FBH1: variants seen among roughly 807,000 people sequenced by gnomAD.
FBH1 encodes the protein DNA 3'-5' helicase 1.
In FBH1, 43 loss-of-function variants were observed where a neutral mutation model predicts 115.5. That is an observed-to-expected ratio of 0.37 (90% CI 0.29 to 0.48). The LOEUF (loss-of-function observed/expected upper bound fraction) is 0.48, where lower values mean the gene tolerates loss of function less well. Among genes scored for constraint, FBH1 ranks in the 20% least tolerant of loss-of-function variants. The pLI, the probability that FBH1 is intolerant of heterozygous loss-of-function variation, is 0.99. For missense variants in FBH1, 1,001 were observed against 1,337.3 expected (o/e 0.75, Z 3.92); for synonymous variants, 524 against 507.8 (o/e 1.03, Z -0.43).
At position 5,914,269 on chromosome 10, in the gene FBH1, G is replaced by A. The variant is rs774015746; in HGVS notation, c.1396G>A (p.Gly466Ser). ...GGTGGTGAAAATTATGGCCTTTGCC[G>A]GTAAGGGAGCCCACATCAGGTTCAC... is the stretch of plus-strand genomic sequence containing the variant. Reference protein sequence around the residue: ...LQVVKIMAFAGTGKTSTLVKY... With the variant: ...LQVVKIMAFASTGKTSTLVKY... Residue 466 changes from glycine to serine, a missense_variant and splice_region_variant, in exon 8 of 21, where the codon GGC becomes AGC. Gly to Ser is a moderately conservative substitution (Grantham distance 56). Around this residue, in one of 4 missense-constraint regions of FBH1, gnomAD observed 521 missense variants for 811.0 expected, o/e 0.64. Transcript: ENST00000362091. The surrounding 1 kb of genome is among the most constrained non-coding windows in gnomAD (Gnocchi z 5.2). The A allele has an allele frequency of 3.1e-6, 5 of 1,613,856 alleles. No homozygotes were observed. The highest frequency in any genetic ancestry group is 1.7e-5 in the Admixed American group (1 of 59,994).
At chr10:5,904,436 T>C (rs1843576093) in intron 2 of FBH1, among the ~76,000 whole-genome samples, 2 of 152,232 alleles carry the variant, frequency 1.3e-5, no homozygotes, top group African/African-American at 4.8e-5. Flanking sequence ...ACTGAGTTTG[T>C]TCCATATATA....
At position 5,908,962 on chromosome 10, in the gene FBH1, T is replaced by C. The variant is rs1472803175; in HGVS notation, c.791T>C (p.Met264Thr). 1 of 1,614,192 alleles carries C rather than the reference T, an allele frequency of 6.2e-7. No homozygotes were observed. Among genetic ancestry groups the C allele is most frequent in the Non-Finnish European group, 8.5e-7 (1 of 1,180,036 alleles). The change falls in exon 4 of 21, where the codon ATG (methionine) becomes ACG (threonine). Residue 264 changes from methionine to threonine, a missense_variant. Coordinates refer to ENST00000362091, the MANE Select transcript of FBH1 (RefSeq NM_178150.3). ...AAGAAGCTGTACCATCGATACCTGA[T>C]GAATGAAGAGCAAGCTGTCAGCAAA... Reference protein sequence around the residue: ...PWKKLYHRYLMNEEQAVSKVD... With the variant: ...PWKKLYHRYLTNEEQAVSKVD...
chr10:5,915,352 G>C lies in FBH1; in HGVS notation c.1397-51G>C. 1 of 1,592,354 alleles carries C rather than the reference G, an allele frequency of 6.3e-7. No individual in the cohort carries two copies. The highest frequency in any genetic ancestry group is 1.1e-5 in the South Asian group (1 of 88,940). On this transcript the variant is annotated intron_variant, in intron 8 of 20. Coordinates refer to ENST00000362091, the MANE Select transcript of FBH1 (RefSeq NM_178150.3). The surrounding 1 kb of genome is among the most constrained non-coding windows in gnomAD (Gnocchi z 5.2). Reference sequence around the variant, plus strand: ...ACAAGGCCTGATTGGGGATCCCTGGGCATGTCTTGTCTGGTCAGAGGGTCA... The same window carrying C: ...ACAAGGCCTGATTGGGGATCCCTGGCCATGTCTTGTCTGGTCAGAGGGTCA...
At position 5,915,760 on chromosome 10, in the gene FBH1, T is replaced by C. The variant is rs914411876; in HGVS notation, c.1565+189T>C. 17 of 595,378 alleles carry C rather than the reference T, an allele frequency of 2.9e-5. No homozygotes were observed. Among genetic ancestry groups the C allele is most frequent in the Non-Finnish European group, 4.4e-5 (15 of 338,576 alleles). 36.9% of individuals were successfully genotyped at this position (595,378 alleles called of 1,614,324 possible). A position where few individuals can be genotyped will look rare whatever the true frequency, so the allele number is the denominator to read the frequency against. ...GTACTTTTATCCTGTAGCAACATAT[T>C]GTTTACATATAATGCCGTCTTGCCA... On this transcript the variant is annotated intron_variant, in intron 9 of 20. Transcript: ENST00000362091. This position sits in a 1 kb window ranked among gnomAD's most constrained non-coding sequence, Gnocchi z 5.2.
chr10:5,917,211 A>T lies in FBH1; in HGVS notation c.1789-209A>T. 3.4e-6 allele frequency: 2 copies of T among 581,214 alleles called. No individual in the cohort carries two copies. Among genetic ancestry groups the T allele is most frequent in the Non-Finnish European group, 6.2e-6 (2 of 323,588 alleles). The allele number at this position is 581,214 out of a possible 1,614,324, so 36.0% of individuals were successfully genotyped here. On this transcript the variant is annotated intron_variant, in intron 10 of 20. Coordinates refer to ENST00000362091, the MANE Select transcript of FBH1 (RefSeq NM_178150.3). This position sits in a 1 kb window ranked among gnomAD's most constrained non-coding sequence, Gnocchi z 5.6. ...ATCTCTGTCCTGTCACGGGCATGGC[A>T]CGGCCCGGCTGCTTCCTGTCTCAGC... is the stretch of plus-strand genomic sequence containing the variant.
rs1832813305 is a variant in FBH1 at position 5,928,944 on chromosome 10, C to CT, written c.2829+1404dup. On this transcript the variant is annotated intron_variant, in intron 19 of 20. Transcript: ENST00000362091. ...TATTCTCAGTGCCATATTGCCTACT[C>CT]TCGTGGGGTGAGCCGCGCCGTACTG... is the stretch of plus-strand genomic sequence containing the variant. Among the ~76,000 whole-genome samples, 5 of 152,310 alleles carry CT rather than the reference C, an allele frequency of 3.3e-5. No homozygotes were observed. In the South Asian group the frequency reaches 1.0e-3, roughly 32 times the overall value.
chr10:5,915,271 A>G lies in FBH1; in HGVS notation c.1397-132A>G, dbSNP rs534286117. On this transcript the variant is annotated intron_variant, in intron 8 of 20. Coordinates refer to ENST00000362091, the MANE Select transcript of FBH1 (RefSeq NM_178150.3). This position sits in a 1 kb window ranked among gnomAD's most constrained non-coding sequence, Gnocchi z 5.2. ...CTCTTTTGGTGGCACTACTTTTACCAGCACTGAAAAACTTGTTACTGTCCT... is the reference window on the plus strand; with the variant it reads ...CTCTTTTGGTGGCACTACTTTTACCGGCACTGAAAAACTTGTTACTGTCCT... 1.0e-4 allele frequency: 91 copies of G among 882,894 alleles called. 1 individual carries two copies. In the African/African-American group the frequency reaches 1.3e-3, roughly 13 times the overall value. 54.7% of individuals were successfully genotyped at this position (882,894 alleles called of 1,614,324 possible). A position where few individuals can be genotyped will look rare whatever the true frequency, so the allele number is the denominator to read the frequency against.
Position 5,906,093 on chromosome 10 carries a change from A to G in FBH1, c.214A>G (p.Thr72Ala), listed in dbSNP as rs756277826. The G allele has an allele frequency of 2.5e-6, 4 of 1,614,078 alleles. No homozygotes were observed. In the East Asian group the frequency reaches 6.7e-5, roughly 27 times the overall value. ...CTTCCTAGCAGGCAAGCAGCCGTGC[A>G]CCAATGACATGGCCAAAAGCAATTC... Reference protein sequence around the residue: ...EFFLAGKQPCTNDMAKSNSVG... With the variant: ...EFFLAGKQPCANDMAKSNSVG... The change falls in exon 3 of 21, where the codon ACC (threonine) becomes GCC (alanine). Residue 72 changes from threonine to alanine, a missense_variant. Coordinates refer to ENST00000362091, the MANE Select transcript of FBH1 (RefSeq NM_178150.3). The surrounding 1 kb of genome is among the most constrained non-coding windows in gnomAD (Gnocchi z 7.3).
chr10:5,909,960 T>C lies in FBH1; in HGVS notation c.1020+666T>C, dbSNP rs751757328. ...GGGATGTTCCTTTCTTGGAATGCAT[T>C]CTTTAACACAGAGACGTGTAGTAAC... is the stretch of plus-strand genomic sequence containing the variant. On this transcript the variant is annotated intron_variant, in intron 5 of 20. Transcript: ENST00000362091. The surrounding 1 kb of genome is among the most constrained non-coding windows in gnomAD (Gnocchi z 4.4). Among the ~76,000 whole-genome samples, 1 of 152,146 alleles carries C rather than the reference T, an allele frequency of 6.6e-6. No homozygotes were observed. Among genetic ancestry groups the C allele is most frequent in the Non-Finnish European group, 1.5e-5 (1 of 68,022 alleles).
In FBH1 at chr10:5,909,185, C is replaced by T. The variant is rs184032310; in HGVS notation, c.911C>T (p.Pro304Leu). The T allele has an allele frequency of 1.3e-5, 21 of 1,613,710 alleles. No individual in the cohort carries two copies. The highest frequency in any genetic ancestry group is 5.1e-6 in the Non-Finnish European group (6 of 1,180,006). Reference protein sequence around the residue: ...IRYTATTKCSPSVDPERVLWS... With the variant: ...IRYTATTKCSLSVDPERVLWS... ...TACACAGCCACCACTAAGTGCTCTC[C>T]GAGTGTGGATCCCGAGAGGGTGCTG... The change falls in exon 5 of 21, where the codon CCG becomes CTG. Residue 304 changes from proline (P) to leucine (L), a missense_variant. This residue lies in a region of FBH1 where 420 missense variants were observed against 430.4 expected (regional missense o/e 0.98). Transcript: ENST00000362091. This position sits in a 1 kb window ranked among gnomAD's most constrained non-coding sequence, Gnocchi z 4.4.
chr10:5,892,834 A>G (rs746304817), intron 1 of FBH1, among the ~76,000 whole-genome samples: 61 of 152,318 alleles, frequency 4.0e-4, no homozygotes, highest in Admixed American at 9.8e-4. Flanking sequence ...AAACAAAGCC[A>G]TGTTCTTATG....
Position 5,913,863 on chromosome 10 carries a change from T to C in FBH1, c.1304+24T>C. The C allele has an allele frequency of 1.3e-6, 2 of 1,550,662 alleles. No individual in the cohort carries two copies. Among genetic ancestry groups the C allele is most frequent in the Non-Finnish European group, 8.8e-7 (1 of 1,138,050 alleles). ...GGGTATGTGTATATGTGCGTCAGCG[T>C]GTGTTTTGTCTTCTGTCGACTCTTC... On this transcript the variant is annotated intron_variant, in intron 7 of 20. Coordinates refer to ENST00000362091, the MANE Select transcript of FBH1 (RefSeq NM_178150.3). The surrounding 1 kb of genome is among the most constrained non-coding windows in gnomAD (Gnocchi z 4.4).
At chr10:5,922,263 TA>T (rs1207413991) in intron 15 of FBH1, among the ~76,000 whole-genome samples, 2 of 152,318 alleles carry the variant, frequency 1.3e-5, no homozygotes, top group East Asian at 1.9e-4. Flanking sequence ...TTTTGGAACC[TA>T]AAAAAAGAAC....
At chr10:5,894,173 T>C (rs1247486800) in intron 1 of FBH1, 1 of 985,324 alleles carries the variant, frequency 1.0e-6, no homozygotes, top group Non-Finnish European at 1.2e-6. Flanking sequence ...GGAAAGGAGC[T>C]GGAGCTCTAT....
At chr10:5,901,413 C>T (rs933926672) in intron 1 of FBH1, among the ~76,000 whole-genome samples, 1 of 152,086 alleles carries the variant, frequency 6.6e-6, no homozygotes, top group Admixed American at 6.5e-5. Flanking sequence ...CCGCCTCGGC[C>T]TCCCAAAGTG....
intron 10 of FBH1, among the ~76,000 whole-genome samples, chr10:5,916,680 GTTAGGGA>G (rs1390247564): frequency 2.0e-5 from 3 of 150,980 alleles, no homozygotes; most frequent in Non-Finnish European, 3.0e-5. Flanking sequence ...CAGGGGAAGT[GTTAGGGA>G]TCTGAGGATG....
At position 5,924,203 on chromosome 10, in the gene FBH1, C is replaced by T. The variant is rs555239564; in HGVS notation, c.2399-108C>T. On this transcript the variant is annotated intron_variant, in intron 16 of 20. Coordinates refer to ENST00000362091, the MANE Select transcript of FBH1 (RefSeq NM_178150.3). The surrounding 1 kb of genome is among the most constrained non-coding windows in gnomAD (Gnocchi z 6.2). ...GTCAGGCCTGGAACCCGGGTCTCCC[C>T]ACTTTAAGACCATCTGCTCTTGCGC... 37 of 1,095,978 alleles carry T rather than the reference C, an allele frequency of 3.4e-5. No homozygotes were observed. In the Admixed American group the frequency reaches 5.9e-4, roughly 18 times the overall value. 67.9% of individuals were successfully genotyped at this position (1,095,978 alleles called of 1,614,324 possible).
chr10:5,930,162 T>C (rs975518161), intron 19 of FBH1, among the ~76,000 whole-genome samples: 14 of 152,342 alleles, frequency 9.2e-5, no homozygotes, highest in African/African-American at 2.6e-4. Flanking sequence ...TGTACTTTTT[T>C]CCCCATAACT....
At position 5,936,281 on chromosome 10, in the gene FBH1, C is replaced by T. The variant is rs1019721893; in HGVS notation, c.2830-175C>T. ...GGACTGTCAGTTGGACTGTCGATAG[C>T]TTTGGAGGCAGGGAAAAGTTAGAGG... On this transcript the variant is annotated intron_variant, in intron 19 of 20. Coordinates refer to ENST00000362091, the MANE Select transcript of FBH1 (RefSeq NM_178150.3). The surrounding 1 kb of genome is among the most constrained non-coding windows in gnomAD (Gnocchi z 5.6). 3.5e-6 allele frequency: 2 copies of T among 567,866 alleles called. No individual in the cohort carries two copies. The highest frequency in any genetic ancestry group is 6.1e-6 in the Non-Finnish European group (2 of 325,702). The allele number at this position is 567,866 out of a possible 1,614,324, so 35.2% of individuals were successfully genotyped here. A position where few individuals can be genotyped will look rare whatever the true frequency, so the allele number is the denominator to read the frequency against.
Sources: gnomAD v4.1 joint callset for allele counts (sites outside exome capture counted in the v4.1 genomes callset) on GRCh38, gnomAD v4.1.1 for gene constraint, gnomAD v4.1.1 regional missense constraint, Gnocchi (gnomAD v3.1) non-coding constraint, MANE v1.5 for transcripts, NCBI Gene and HGNC (gene_info 2026-07-23, HGNC 2026-07-21) for gene names.